Variants in CDH13 observed in about 807,000 individuals in gnomAD.
CDH13 encodes the protein cadherin-13.
Under a neutral mutation model 63.8 loss-of-function variants are expected in CDH13, and 24 were observed. That is an observed-to-expected ratio of 0.38 (90% confidence interval 0.27 to 0.53). The LOEUF is 0.53. CDH13 is among the 20% of genes least tolerant of loss of function. The pLI, the probability that CDH13 is intolerant of heterozygous loss-of-function variation, is 0.85. For missense variants in CDH13, 1,049 were observed against 903.1 expected (o/e 1.16, Z -2.07); for synonymous variants, 503 against 355.3 (o/e 1.42, Z -4.67).
intron 8 of CDH13, among the ~76,000 whole-genome samples, chr16:83,659,510 G>A (rs1163805272): frequency 6.6e-6 from 1 of 152,380 alleles, no homozygotes; most frequent in Non-Finnish European, 1.5e-5. Flanking sequence ...GTTACCTCAA[G>A]CTGTTGTTCT....
At chr16:83,039,659 C>A (rs953355617) in intron 3 of CDH13, among the ~76,000 whole-genome samples, 2 of 152,178 alleles carry the variant, frequency 1.3e-5, no homozygotes, top group African/African-American at 4.8e-5. Flanking sequence ...CAGCACCCTG[C>A]CCAGTGCCTG....
chr16:83,048,769 C>G (rs2029930933), intron 3 of CDH13, among the ~76,000 whole-genome samples: 1 of 152,120 alleles, frequency 6.6e-6, no homozygotes, highest in Admixed American at 6.6e-5. Context: ...CCCTCACACT[C>G]TTACATCTTA....
chr16:82,742,361 A>G (rs1390440852), intron 1 of CDH13, among the ~76,000 whole-genome samples: 1 of 152,144 alleles, frequency 6.6e-6, no homozygotes, highest in East Asian at 1.9e-4. Context: ...TACAATGAAC[A>G]TACATAGCAT....
intron 3 of CDH13, among the ~76,000 whole-genome samples, chr16:83,038,682 G>A (rs578069059): frequency 2.7e-4 from 41 of 152,264 alleles, no homozygotes; most frequent in African/African-American, 9.1e-4. Flanking sequence ...ATGCGTGTTC[G>A]CCTTGTATGT....
At chr16:83,276,287 G>C (rs1269104699) in intron 5 of CDH13, among the ~76,000 whole-genome samples, 3 of 152,050 alleles carry the variant, frequency 2.0e-5, no homozygotes, top group Non-Finnish European at 4.4e-5. Flanking sequence ...CCCCCCAAGA[G>C]CAGCCCTATC....
chr16:83,463,096 G>A (rs2073221439), intron 6 of CDH13, among the ~76,000 whole-genome samples: 1 of 152,072 alleles, frequency 6.6e-6, no homozygotes. Context: ...AGGAGTGTTG[G>A]GGCAGACTTT....
At chr16:82,953,432 T>C (rs893479211) in intron 2 of CDH13, 3 of 152,202 alleles carry the variant, frequency 2.0e-5, no homozygotes, top group Non-Finnish European at 4.4e-5. Flanking sequence ...GTCTGCAAGC[T>C]ATTTTAAATA....
intron 6 of CDH13, among the ~76,000 whole-genome samples, chr16:83,409,387 C>T (rs1045268532): frequency 1.3e-5 from 2 of 152,254 alleles, no homozygotes; most frequent in East Asian, 3.9e-4. Context: ...CCTCATGCAG[C>T]GACACGGGGC....
intron 5 of CDH13, among the ~76,000 whole-genome samples, chr16:83,257,671 A>T (rs543492167): frequency 6.6e-6 from 1 of 152,312 alleles, no homozygotes; most frequent in South Asian, 2.1e-4. Context: ...TCTACCATTG[A>T]TGGGCATTTA....
rs527641806 is a variant in CDH13, at chr16:82,865,378, G to T, written c.157+6905G>T. On this transcript the variant is annotated intron_variant, in intron 2 of 13. Transcript: ENST00000567109. ...CTCTGCCTCTGCAACAAACTTTTGC[G>T]TGGACATCCAGGTGTTTCCATTAAG... 2.1e-4 allele frequency among the ~76,000 whole-genome samples: 32 copies of T among 152,342 alleles called. 1 individual carries two copies. The South Asian group carries it at 6.2e-3, about 30-fold the overall frequency.
chr16:83,634,421 G>C (rs1339013269), intron 8 of CDH13, among the ~76,000 whole-genome samples: 2 of 144,668 alleles, frequency 1.4e-5, no homozygotes, highest in South Asian at 4.3e-4. Flanking sequence ...TTTTTTTTGA[G>C]ACGGAGTCTT....
Position 83,737,284 on chromosome 16 carries a change from C to T in CDH13, c.1539-10824C>T, listed in dbSNP as rs180879537. 7.8e-4 allele frequency among the ~76,000 whole-genome samples: 119 copies of T among 152,322 alleles called. 1 individual carries two copies. The highest frequency in any genetic ancestry group is 2.8e-3 in the African/African-American group (116 of 41,574). Reference sequence around the variant, plus strand: ...AAGTTCCTTGATATCTACATCACAACTGAGTAGTTTATCTCAGTGGTAAGT... The same window carrying T: ...AAGTTCCTTGATATCTACATCACAATTGAGTAGTTTATCTCAGTGGTAAGT... On this transcript the variant is annotated intron_variant, in intron 10 of 13. Transcript: ENST00000567109.
chr16:82,728,474 A>G (rs553197660), intron 1 of CDH13, among the ~76,000 whole-genome samples: 1 of 152,306 alleles, frequency 6.6e-6, no homozygotes, highest in East Asian at 1.9e-4. Flanking sequence ...GTGCATATAA[A>G]TAATAAACTA....
chr16:83,282,608 A>G (rs1023970287), intron 5 of CDH13, among the ~76,000 whole-genome samples: 1 of 152,230 alleles, frequency 6.6e-6, no homozygotes, highest in Non-Finnish European at 1.5e-5. Context: ...TGCAACATAC[A>G]TGCCAGACAG....
At chr16:82,645,187 T>G (rs1228267341) in intron 1 of CDH13, among the ~76,000 whole-genome samples, 1 of 152,068 alleles carries the variant, frequency 6.6e-6, no homozygotes, top group African/African-American at 2.4e-5. Flanking sequence ...TTCACCCAGC[T>G]CCAGGACCAA....
intron 1 of CDH13, among the ~76,000 whole-genome samples, chr16:82,660,640 C>T (rs1394091847): frequency 6.6e-6 from 1 of 152,152 alleles, no homozygotes; most frequent in Non-Finnish European, 1.5e-5. Context: ...TATTTAAGCC[C>T]TTTCACTGTA....
At chr16:82,779,323 G>T (rs2035642283) in intron 1 of CDH13, among the ~76,000 whole-genome samples, 1 of 152,158 alleles carries the variant, frequency 6.6e-6, no homozygotes, top group Non-Finnish European at 1.5e-5. Context: ...GTCTCTACCA[G>T]TGCACTTTGC....
intron 3 of CDH13, among the ~76,000 whole-genome samples, chr16:83,049,486 C>A (rs1388665495): frequency 1.3e-5 from 2 of 151,932 alleles, no homozygotes; most frequent in Non-Finnish European, 2.9e-5. Context: ...AGGTGCCCAC[C>A]ACCACACCCA....
At chr16:82,698,553 C>T (rs1029534271) in intron 1 of CDH13, among the ~76,000 whole-genome samples, 1 of 152,174 alleles carries the variant, frequency 6.6e-6, no homozygotes, top group Non-Finnish European at 1.5e-5. Context: ...CGTGACTTTC[C>T]CATATTGTAG....
Sources: allele counts gnomAD v4.1 joint callset (sites outside exome capture counted in the v4.1 genomes callset), GRCh38; gene constraint gnomAD v4.1.1; transcripts MANE v1.5; gene names NCBI Gene and HGNC (gene_info 2026-07-23, HGNC 2026-07-21).